Variants in MYOCD observed in about 807,000 individuals in gnomAD.
MYOCD encodes myocardin.
MYOCD carries 32 observed loss-of-function variants against 96.1 expected under a neutral mutation model. That is an observed-to-expected ratio of 0.33 (90% CI 0.25 to 0.45). MYOCD has a LOEUF of 0.45. Ranked by LOEUF, MYOCD falls within the 20% of genes least tolerant of loss-of-function variation. The pLI is 1.00. For missense variants in MYOCD, 1,133 were observed against 1,200.6 expected (o/e 0.94, Z 0.83); for synonymous variants, 469 against 469.0 (o/e 1.00, Z 0.00).
intron 10 of MYOCD, 138 bp from the exon 11 acceptor site, chr17:12,756,276 G>A (rs941138951): frequency 4.0e-6 from 4 of 1,010,818 alleles, no homozygotes; most frequent in Non-Finnish European, 5.9e-6. Context: ...TTTTAGGCAA[G>A]TTCATCTGGT....
intron 5 of MYOCD, among the ~76,000 whole-genome samples, chr17:12,731,172 G>A (rs2032160035): frequency 1.3e-5 from 2 of 152,224 alleles, no homozygotes; most frequent in East Asian, 1.9e-4. Context: ...TCATGCTGGG[G>A]AAGATTGGAG....
At chr17:12,715,046 C>T (rs1383211950) in intron 2 of MYOCD, among the ~76,000 whole-genome samples, 1 of 152,130 alleles carries the variant, frequency 6.6e-6, no homozygotes, top group Non-Finnish European at 1.5e-5. Context: ...ACCAGCCACA[C>T]ACTTTATCCA....
chr17:12,709,043 T>C (rs1014575), intron 2 of MYOCD, among the ~76,000 whole-genome samples: 60,863 of 152,120 alleles, frequency 0.4, 14,080 homozygotes, highest in African/African-American at 0.63. Flanking sequence ...ATAATCTATG[T>C]TTCGCCATGA....
intron 1 of MYOCD, among the ~76,000 whole-genome samples, chr17:12,701,154 T>C (rs1567578241): frequency 6.6e-6 from 1 of 152,196 alleles, no homozygotes; most frequent in East Asian, 1.9e-4. Flanking sequence ...TCTCTACCTT[T>C]ATAATCAGTC....
At chr17:12,748,092 G>A (rs530208936) in intron 9 of MYOCD, among the ~76,000 whole-genome samples, 3 of 150,584 alleles carry the variant, frequency 2.0e-5, no homozygotes, top group Admixed American at 2.0e-4. Flanking sequence ...AACCCGGGAG[G>A]TGGAGGTTGC....
chr17:12,739,512 A>G (rs1344360227), intron 7 of MYOCD, among the ~76,000 whole-genome samples, 184 bp downstream of exon 7: 1 of 152,244 alleles, frequency 6.6e-6, no homozygotes, highest in East Asian at 1.9e-4. Flanking sequence ...TCCTTGCAGC[A>G]CAGCAGAAGT....
At chr17:12,760,340 G>A in intron 12 of MYOCD, 4 of 350,830 alleles carry the variant, frequency 1.1e-5, no homozygotes, top group Non-Finnish European at 2.2e-5. Flanking sequence ...CGGTTGCCAG[G>A]GGCTAAAGGA....
At chr17:12,680,146 T>C (rs1022580970) in intron 1 of MYOCD, among the ~76,000 whole-genome samples, 1 of 152,192 alleles carries the variant, frequency 6.6e-6, no homozygotes, top group African/African-American at 2.4e-5. Flanking sequence ...ATGAAGACTC[T>C]CCTCTTAATT....
intron 2 of MYOCD, among the ~76,000 whole-genome samples, chr17:12,710,868 T>TC (rs1242171208): frequency 6.6e-6 from 1 of 152,134 alleles, no homozygotes; most frequent in Non-Finnish European, 1.5e-5. Flanking sequence ...TTCCTTCTTT[T>TC]CCCCCATCTC....
rs187762023 is a variant in MYOCD, at chr17:12,704,006, T to C, written c.56-1122T>C. Among the ~76,000 whole-genome samples the C allele has an allele frequency of 5.3e-5, 8 of 152,346 alleles. No individual in the cohort carries two copies. In the East Asian group the frequency reaches 1.5e-3, roughly 29 times the overall value. On this transcript the variant is annotated intron_variant, in intron 1 of 13. Coordinates refer to ENST00000425538, the MANE Select transcript of MYOCD (RefSeq NM_001146312.3). ...TAACTATTTTAAAGTATTTGTCTGA[T>C]AATTTCAACATCTGACCCATCTCGA...
intron 5 of MYOCD, 87 bp downstream of exon 5, chr17:12,723,095 A>T (rs1043838706): frequency 1.5e-6 from 2 of 1,310,332 alleles, no homozygotes; most frequent in African/African-American, 3.0e-5. Flanking sequence ...ATCTTTGGGG[A>T]TGAGGGCCTC....
intron 1 of MYOCD, among the ~76,000 whole-genome samples, chr17:12,682,234 G>A (rs1279359469): frequency 6.6e-6 from 1 of 152,206 alleles, no homozygotes; most frequent in African/African-American, 2.4e-5. Context: ...TTGTCCTAGA[G>A]TCAGATAATG....
At chr17:12,723,048 G>A (rs756326896) in intron 5 of MYOCD, 40 bp downstream of exon 5, 14 of 1,578,844 alleles carry the variant, frequency 8.9e-6, no homozygotes, top group African/African-American at 8.1e-5. Context: ...TGGTGCTATT[G>A]AGATCTGAGG....
rs1346757375 is a variant in MYOCD at position 12,763,917 on chromosome 17, C to G, written c.*273C>G. On this transcript the variant is annotated 3_prime_UTR_variant, in exon 14 of 14. Coordinates refer to ENST00000425538, the MANE Select transcript of MYOCD (RefSeq NM_001146312.3). ...GATGCCAAAAAAGATATTTCACTGC[C>G]TTTTCAAAGACCAGTATATTTTCTA... 3.2e-6 allele frequency: 1 copy of G among 316,392 alleles called. No homozygotes were observed. Among genetic ancestry groups the G allele is most frequent in the African/African-American group, 2.2e-5 (1 of 46,306 alleles). The allele number at this position is 316,392 out of a possible 1,614,324, so 19.6% of individuals were successfully genotyped here.
chr17:12,753,182 C>G lies in MYOCD; in HGVS notation c.1894C>G (p.Gln632Glu). 6.2e-7 allele frequency: 1 copy of G among 1,614,192 alleles called. No individual in the cohort carries two copies. The highest frequency in any genetic ancestry group is 8.5e-7 in the Non-Finnish European group (1 of 1,180,042). Residue 632 changes from glutamine (Q) to glutamate (E), a missense_variant, in exon 10 of 14, where the codon CAG (glutamine) becomes GAG (glutamate). Coordinates refer to ENST00000425538, the MANE Select transcript of MYOCD (RefSeq NM_001146312.3). Reference protein sequence around the residue: ...NVLSSTFLSPQCSPQHSPLGA... With the variant: ...NVLSSTFLSPECSPQHSPLGA... ...ACTTTCTTCCACATTTCTCAGCCCC[C>G]AGTGTTCCCCTCAGCATTCACCGCT...
At chr17:12,680,227 T>C (rs77915261) in intron 1 of MYOCD, among the ~76,000 whole-genome samples, 2,450 of 152,296 alleles carry the variant, frequency 0.016, 75 homozygotes, top group African/African-American at 0.054. Context: ...ATATCTAATT[T>C]TTATTCAGCT....
At chr17:12,710,699 C>T (rs866435501) in intron 2 of MYOCD, among the ~76,000 whole-genome samples, 11 of 152,156 alleles carry the variant, frequency 7.2e-5, no homozygotes, top group African/African-American at 2.7e-4. Flanking sequence ...GCTTTTCCCC[C>T]ACAGCACCCT....
intron 5 of MYOCD, among the ~76,000 whole-genome samples, chr17:12,734,553 C>G (rs572695890): frequency 7.5e-6 from 1 of 132,942 alleles, no homozygotes; most frequent in African/African-American, 2.8e-5. Flanking sequence ...TTCTGTCGCC[C>G]GGGCTAGAGT....
chr17:12,736,392 G>A (rs890592727), intron 6 of MYOCD, 56 bp downstream of exon 6: 406 of 1,565,586 alleles, frequency 2.6e-4, no homozygotes, highest in Non-Finnish European at 3.2e-4. Context: ...GTGTATTATC[G>A]TTTCAGTCTT....
Sources: allele counts gnomAD v4.1 joint callset (sites outside exome capture counted in the v4.1 genomes callset), GRCh38; gene constraint gnomAD v4.1.1; transcripts MANE v1.5; gene names NCBI Gene and HGNC (gene_info 2026-07-23, HGNC 2026-07-21).